The following RFFL variants were observed in gnomAD, a reference collection of about 807,000 sequenced individuals.
The protein encoded by RFFL is ring finger and FYVE like domain containing E3 ubiquitin protein ligase, also known as E3 ubiquitin-protein ligase rififylin.
A neutral mutation model predicts 40.4 loss-of-function variants in RFFL; 16 were observed. That is an observed-to-expected ratio of 0.40 (90% CI 0.27 to 0.60). RFFL has a LOEUF of 0.60. Among genes scored for constraint, RFFL ranks in the 20% least tolerant of loss-of-function variants. The probability of loss-of-function intolerance (pLI) is 0.47; values close to 1 mark genes in which losing one functional copy is unlikely to be tolerated. For missense variants in RFFL, 367 were observed against 451.7 expected, an observed-to-expected ratio of 0.81 and a Z score of 1.70; for synonymous variants, 154 against 167.9, an observed-to-expected ratio of 0.92 and a Z score of 0.64.
chr17:35,050,949 G>A (rs2091228515), intron 1 of RFFL, among the ~76,000 whole-genome samples: 2 of 152,174 alleles, frequency 1.3e-5, no homozygotes, highest in African/African-American at 4.8e-5. Flanking sequence ...TCCAGCCTGG[G>A]CAACATGAGT....
rs113718377 is a variant in RFFL at position 35,028,290 on chromosome 17, G to C, written c.-8-1729C>G. 6.5e-3 allele frequency among the ~76,000 whole-genome samples: 991 copies of C among 152,018 alleles called. 23 individuals are homozygous for C. Among genetic ancestry groups the C allele is most frequent in the African/African-American group, 0.023 (937 of 41,376 alleles). On this transcript the variant is annotated intron_variant, in intron 1 of 6. Coordinates refer to ENST00000394597, the MANE Select transcript of RFFL (RefSeq NM_001017368.2). ...GCGGAGATGGCAGTGAGCCGAGATC[G>C]TGCCACTGCACAACTACACTCCAGC...
intron 1 of RFFL, among the ~76,000 whole-genome samples, chr17:35,049,214 G>A (rs1306897007): frequency 6.6e-6 from 1 of 152,112 alleles, no homozygotes; most frequent in East Asian, 1.9e-4. Context: ...CATCCACACT[G>A]AGATATGCTG....
At chr17:35,053,285 G>A (rs2091241871) in intron 1 of RFFL, among the ~76,000 whole-genome samples, 1 of 152,138 alleles carries the variant, frequency 6.6e-6, no homozygotes, top group African/African-American at 2.4e-5. Context: ...AAAGCAAGAA[G>A]AGGACAAAAA....
chr17:35,025,626 C>A (rs2142326683), intron 2 of RFFL, among the ~76,000 whole-genome samples: 1 of 152,356 alleles, frequency 6.6e-6, no homozygotes, highest in Admixed American at 6.5e-5. Context: ...TATCCTATCA[C>A]TTATTCTGAG....
At chr17:35,038,760 G>A (rs1217819888) in intron 1 of RFFL, among the ~76,000 whole-genome samples, 1 of 152,214 alleles carries the variant, frequency 6.6e-6, no homozygotes, top group Admixed American at 6.5e-5. Context: ...GATTACAGAT[G>A]GAAGGCAGCC....
intron 1 of RFFL, among the ~76,000 whole-genome samples, chr17:35,038,387 G>A (rs548002757): frequency 2.6e-4 from 40 of 151,836 alleles, no homozygotes; most frequent in South Asian, 6.3e-4. Context: ...GTGTGTGTGC[G>A]CGCGCGTGCA....
chr17:35,066,626 C>T (rs939021206), upstream of RFFL, among the ~76,000 whole-genome samples: 1 of 152,056 alleles, frequency 6.6e-6, no homozygotes, highest in Non-Finnish European at 1.5e-5. Flanking sequence ...AACTGCTTTA[C>T]TCTCTCTTCA....
At position 35,007,084 on chromosome 17, in the gene RFFL, A is replaced by G. The variant is rs1022905780; in HGVS notation, c.*4884T>C. The G allele has an allele frequency of 4.6e-5, 7 of 152,118 alleles. No homozygotes were observed. Among genetic ancestry groups the G allele is most frequent in the Admixed American group, 4.6e-4 (7 of 15,268 alleles). The allele number at this position is 152,118 out of a possible 1,614,324, so 9.4% of individuals were successfully genotyped here. A position where few individuals can be genotyped will look rare whatever the true frequency, so the allele number is the denominator to read the frequency against. ...ATTTCTCTCTTCAGCCTCAGGCCAA[A>G]CAAACAACCGGACAGGGCAGCAGAA... On this transcript the variant is annotated 3_prime_UTR_variant, in exon 7 of 7. Transcript: ENST00000394597.
At chr17:35,056,375 CTT>C (rs71147455) in intron 1 of RFFL, among the ~76,000 whole-genome samples, 15 of 120,698 alleles carry the variant, frequency 1.2e-4, no homozygotes, top group African/African-American at 2.7e-4. Context: ...TTTACTTCTA[CTT>C]TTTTTTTTTT....
chr17:35,047,811 G>A, intron 1 of RFFL, among the ~76,000 whole-genome samples: 1 of 151,484 alleles, frequency 6.6e-6, no homozygotes. Flanking sequence ...GAATGCAGTG[G>A]CGTGATCTTG....
At chr17:35,026,650 C>T in intron 1 of RFFL, 89 bp from the exon 2 acceptor site, 1 of 991,870 alleles carries the variant, frequency 1.0e-6, no homozygotes, top group Non-Finnish European at 1.5e-6. Flanking sequence ...TGAGCAGTGA[C>T]ACTCAATGCA....
intron 1 of RFFL, among the ~76,000 whole-genome samples, chr17:35,086,846 T>C (rs1052375949): frequency 6.6e-6 from 1 of 152,128 alleles, no homozygotes; most frequent in Non-Finnish European, 1.5e-5. Context: ...ATGACAAGAA[T>C]AAAAAATCAA....
intron 1 of RFFL, among the ~76,000 whole-genome samples, chr17:35,051,672 C>T (rs2091232547): frequency 1.3e-5 from 2 of 152,080 alleles, no homozygotes; most frequent in Admixed American, 6.5e-5. Flanking sequence ...AACAAAACTT[C>T]GAATATGAGG....
rs1485644754 is a variant in RFFL, at chr17:35,011,626, T to A, written c.*342A>T. 2.9e-5 allele frequency: 7 copies of A among 243,484 alleles called. No homozygotes were observed. Among genetic ancestry groups the A allele is most frequent in the Non-Finnish European group, 5.6e-5 (7 of 124,108 alleles). The allele number at this position is 243,484 out of a possible 1,614,324, so 15.1% of individuals were successfully genotyped here. On this transcript the variant is annotated 3_prime_UTR_variant, in exon 7 of 7. Transcript: ENST00000394597. Reference sequence around the variant, plus strand: ...CCATATGGGGTGGGGATGGGTTGGGTACAGGAGGAGGGGTGAAACTGTCTA... The same window carrying A: ...CCATATGGGGTGGGGATGGGTTGGGAACAGGAGGAGGGGTGAAACTGTCTA...
chr17:35,088,660 C>G (rs1326021716), intron 1 of RFFL: 1 of 152,466 alleles, frequency 6.6e-6, no homozygotes, highest in Non-Finnish European at 1.5e-5. Context: ...AACTCCAAAC[C>G]TCCCTCCTCC....
chr17:35,057,782 T>A (rs2091269335), intron 1 of RFFL, among the ~76,000 whole-genome samples: 1 of 151,568 alleles, frequency 6.6e-6, no homozygotes, highest in Non-Finnish European at 1.5e-5. Context: ...TCCCATTCAT[T>A]TGCTCTACCT....
intron 1 of RFFL, among the ~76,000 whole-genome samples, chr17:35,061,688 C>CT (rs61100671): frequency 4.0e-4 from 56 of 140,290 alleles, no homozygotes; most frequent in East Asian, 1.5e-3. Context: ...GTCTCAAACT[C>CT]TTTTTTTTTT....
chr17:35,032,917 A>G (rs1024034111), intron 1 of RFFL, among the ~76,000 whole-genome samples: 3 of 152,136 alleles, frequency 2.0e-5, no homozygotes, highest in African/African-American at 7.3e-5. Context: ...AAAATGCCCA[A>G]TGGACTAAGG....
At chr17:35,072,280 C>CA (rs373207024) in intron 1 of RFFL, among the ~76,000 whole-genome samples, 1,025 of 69,712 alleles carry the variant, frequency 0.015, 6 homozygotes, top group African/African-American at 0.029. Flanking sequence ...GACACTGTCT[C>CA]AAAAAAAAAA....
Sources: gnomAD v4.1 joint callset for allele counts (sites outside exome capture counted in the v4.1 genomes callset) on GRCh38, gnomAD v4.1.1 for gene constraint, MANE v1.5 for transcripts, NCBI Gene and HGNC (gene_info 2026-07-23, HGNC 2026-07-21) for gene names.